ODAD2: variants seen among roughly 807,000 people sequenced by gnomAD.
The protein encoded by ODAD2 is outer dynein arm-docking complex subunit 2.
Under a neutral mutation model 106.8 loss-of-function variants are expected in ODAD2, and 89 were observed. That is an observed-to-expected ratio of 0.83 (90% CI 0.70 to 0.99). The LOEUF (loss-of-function observed/expected upper bound fraction) is 0.99, where lower values mean the gene tolerates loss of function less well. ODAD2 is among the 50% of genes least tolerant of loss of function. The pLI is 0.00. For missense variants in ODAD2, 1,168 were observed against 1,238.5 expected, an observed-to-expected ratio of 0.94 and a Z score of 0.85; for synonymous variants, 404 against 436.2, an observed-to-expected ratio of 0.93 and a Z score of 0.92.
rs562326975 is a variant in ODAD2, at chr10:27,823,997, G to A, written c.3022-11372C>T. On this transcript the variant is annotated intron_variant, in intron 19 of 19. Transcript: ENST00000305242. ...CTACTAAAAATACAAAAAATTAGCC[G>A]GGCGAGGTGGCGGGCGCCTGTAGTC... Among the ~76,000 whole-genome samples the A allele has an allele frequency of 1.1e-3, 152 of 138,314 alleles. 15 individuals carry two copies. In the South Asian group the frequency reaches 0.015, roughly 14 times the overall value. 90.7% of individuals were successfully genotyped at this position (138,314 alleles called of 152,430 possible).
At chr10:27,874,572 T>C (rs1455842211) in intron 17 of ODAD2, among the ~76,000 whole-genome samples, 1 of 152,204 alleles carries the variant, frequency 6.6e-6, no homozygotes, top group African/African-American at 2.4e-5. Context: ...TCTCTCAGCA[T>C]TTGCTTATCT....
intron 10 of ODAD2, among the ~76,000 whole-genome samples, chr10:27,958,066 T>C (rs1378948520): frequency 6.6e-6 from 1 of 152,240 alleles, no homozygotes; most frequent in Non-Finnish European, 1.5e-5. Context: ...TATTTATCTG[T>C]GTCAAAAACC....
intron 7 of ODAD2, among the ~76,000 whole-genome samples, chr10:27,972,171 T>C (rs1314840056): frequency 6.6e-6 from 1 of 152,212 alleles, no homozygotes; most frequent in African/African-American, 2.4e-5. Flanking sequence ...AGGTATATTG[T>C]TGTAAGTTTC....
intron 17 of ODAD2, among the ~76,000 whole-genome samples, chr10:27,867,707 T>C (rs1840545525): frequency 6.6e-6 from 1 of 152,108 alleles, no homozygotes; most frequent in Admixed American, 6.5e-5. Flanking sequence ...CTCAGCACTT[T>C]GGAAGGCTGA....
intron 19 of ODAD2, among the ~76,000 whole-genome samples, chr10:27,820,760 C>A (rs906686711): frequency 1.1e-4 from 16 of 148,552 alleles, no homozygotes; most frequent in Admixed American, 1.0e-3. Context: ...AACAATTAAA[C>A]CAATGAAGCC....
intron 2 of ODAD2, among the ~76,000 whole-genome samples, chr10:27,993,138 C>T (rs1230317489): frequency 1.3e-5 from 2 of 152,054 alleles, no homozygotes; most frequent in East Asian, 1.9e-4. Context: ...TGGTCTTGAA[C>T]TCCTGATCTC....
intron 17 of ODAD2, among the ~76,000 whole-genome samples, chr10:27,897,452 A>T (rs1237606712): frequency 6.6e-6 from 1 of 152,184 alleles, no homozygotes; most frequent in Non-Finnish European, 1.5e-5. Context: ...AAAGAAAAAA[A>T]ATCCAAAATT....
At chr10:27,944,999 A>G in intron 10 of ODAD2, 37 bp from the exon 11 acceptor site, 1 of 1,609,674 alleles carries the variant, frequency 6.2e-7, no homozygotes, top group Non-Finnish European at 8.5e-7. Flanking sequence ...GTTAAGGAAC[A>G]CCGCATTCCC....
chr10:27,984,753 G>T (rs1849768659), intron 4 of ODAD2, among the ~76,000 whole-genome samples: 1 of 152,074 alleles, frequency 6.6e-6, no homozygotes, highest in African/African-American at 2.4e-5. Flanking sequence ...CAGGAAAATT[G>T]TTTGTTCCAA....
intron 3 of ODAD2, among the ~76,000 whole-genome samples, chr10:27,986,805 A>G (rs1426671425): frequency 6.6e-6 from 1 of 151,620 alleles, no homozygotes. Flanking sequence ...TGTGAACATC[A>G]CATATTTTTA....
At chr10:27,991,986 A>C (rs1850263015) in intron 2 of ODAD2, among the ~76,000 whole-genome samples, 1 of 152,224 alleles carries the variant, frequency 6.6e-6, no homozygotes, top group Admixed American at 6.5e-5. Context: ...AATTGAGAAT[A>C]TCTCTGGTTG....
chr10:27,864,857 A>G (rs1321826370), intron 17 of ODAD2, among the ~76,000 whole-genome samples: 1 of 152,164 alleles, frequency 6.6e-6, no homozygotes, highest in African/African-American at 2.4e-5. Flanking sequence ...ACTTCACATA[A>G]GTTATTTCAG....
chr10:27,925,323 T>C (rs1845180370), intron 16 of ODAD2, among the ~76,000 whole-genome samples: 1 of 152,136 alleles, frequency 6.6e-6, no homozygotes, highest in Admixed American at 6.6e-5. Flanking sequence ...AGAAAGCCTT[T>C]GACAAAATTC....
At chr10:27,930,139 T>C (rs1451725134) in intron 16 of ODAD2, among the ~76,000 whole-genome samples, 1 of 152,168 alleles carries the variant, frequency 6.6e-6, no homozygotes, top group Non-Finnish European at 1.5e-5. Context: ...ATTATATTTC[T>C]TTTACTCCTA....
intron 17 of ODAD2, among the ~76,000 whole-genome samples, chr10:27,895,535 C>T (rs547590091): frequency 1.8e-4 from 27 of 152,240 alleles, no homozygotes; most frequent in African/African-American, 6.0e-4. Context: ...GCTATTCACC[C>T]GCCTCGGCCT....
At position 27,860,656 on chromosome 10, in the gene ODAD2, C is replaced by A; in HGVS notation, c.2990G>T (p.Cys997Phe). The A allele has an allele frequency of 6.2e-7, 1 of 1,614,074 alleles. No homozygotes were observed. The highest frequency in any genetic ancestry group is 8.5e-7 in the Non-Finnish European group (1 of 1,180,006). The change falls in exon 19 of 20, where the codon TGC becomes TTC. Residue 997 changes from cysteine to phenylalanine, a missense_variant. By Grantham distance (205) the Cys-to-Phe change is radical. Coordinates refer to ENST00000305242, the MANE Select transcript of ODAD2 (RefSeq NM_018076.5). ...LYQLSEDADNCITMHENGAVK... is the reference protein window; with the variant it reads ...LYQLSEDADNFITMHENGAVK... ...TGCACCATTCTCATGCATGGTGATGCAGTTATCGGCGTCTTCTGAGAGTTG... is the reference window on the plus strand; with the variant it reads ...TGCACCATTCTCATGCATGGTGATGAAGTTATCGGCGTCTTCTGAGAGTTG...
At chr10:27,875,886 C>T (rs1301525523) in intron 17 of ODAD2, among the ~76,000 whole-genome samples, 1 of 152,206 alleles carries the variant, frequency 6.6e-6, no homozygotes, top group Non-Finnish European at 1.5e-5. Flanking sequence ...AAACAGCACA[C>T]CAGGAGATTA....
intron 12 of ODAD2, 47 bp from the exon 13 acceptor site, chr10:27,940,852 C>G (rs747234154): frequency 5.7e-6 from 9 of 1,570,946 alleles, no homozygotes; most frequent in Non-Finnish European, 7.8e-6. Flanking sequence ...TTAAAAAGAA[C>G]ATTTAAGGCA....
chr10:27,927,925 T>G (rs1359641785), intron 16 of ODAD2, among the ~76,000 whole-genome samples: 1 of 152,112 alleles, frequency 6.6e-6, no homozygotes, highest in African/African-American at 2.4e-5. Context: ...AGTTACCAAA[T>G]ATTCATAATA....
Sources: gnomAD v4.1 joint callset for allele counts (sites outside exome capture counted in the v4.1 genomes callset) on GRCh38, gnomAD v4.1.1 for gene constraint, MANE v1.5 for transcripts, NCBI Gene and HGNC (gene_info 2026-07-23, HGNC 2026-07-21) for gene names.